Variants in PHTF2 observed in about 807,000 individuals in gnomAD.
The protein encoded by PHTF2 is putative homeodomain transcription factor 2.
A neutral mutation model predicts 101.2 loss-of-function variants in PHTF2; 60 were observed. That is an observed-to-expected ratio of 0.59 (90% CI 0.48 to 0.73). The LOEUF is 0.73. Ranked by LOEUF, PHTF2 falls within the 30% of genes least tolerant of loss-of-function variation. The probability of loss-of-function intolerance (pLI) is 0.00; values close to 1 mark genes in which losing one functional copy is unlikely to be tolerated. For missense variants in PHTF2, 747 were observed against 908.7 expected (o/e 0.82, Z 2.29); for synonymous variants, 311 against 307.3 (o/e 1.01, Z -0.13).
At chr7:77,939,356 A>C (rs930476098) in intron 13 of PHTF2, among the ~76,000 whole-genome samples, 15 of 152,130 alleles carry the variant, frequency 9.9e-5, no homozygotes, top group African/African-American at 3.4e-4. Context: ...CTGTAATCTC[A>C]ACACTTTGGG....
chr7:77,865,824 A>G (rs189795076), intron 3 of PHTF2, among the ~76,000 whole-genome samples: 1 of 152,136 alleles, frequency 6.6e-6, no homozygotes, highest in South Asian at 2.1e-4. Flanking sequence ...CAAGCCAGGC[A>G]CTTATTTCAA....
intron 19 of PHTF2, among the ~76,000 whole-genome samples, 197 bp from the exon 19 acceptor site, chr7:77,954,661 G>T: frequency 7.4e-6 from 1 of 135,002 alleles, no homozygotes; most frequent in East Asian, 2.0e-4. Flanking sequence ...CTTCTCAAGA[G>T]AAAGCAATAG....
rs897361296 is a variant in PHTF2, at chr7:77,953,032, A to G, written c.2212-737A>G. The stretch of plus-strand genomic sequence containing the variant: ...GTCTTTCTTCTACATTGCTGGCCCA[A>G]TGATCTTTCTTCCTTGTACTTGGGC... On this transcript the variant is annotated intron_variant, in intron 18 of 19. Transcript: ENST00000416283. 1.4e-4 allele frequency among the ~76,000 whole-genome samples: 21 copies of G among 152,120 alleles called. 1 individual carries two copies. The highest frequency in any genetic ancestry group is 6.2e-4 in the South Asian group (3 of 4,818).
rs1584493746 is a variant in PHTF2 at position 77,853,830 on chromosome 7, A to G, written c.46-903A>G. On this transcript the variant is annotated intron_variant, in intron 2 of 19. Coordinates refer to ENST00000416283, the Ensembl canonical transcript of PHTF2. Reference sequence around the variant, plus strand: ...TGTTAAATTTTTCTAATAGGATTCCAAATTCCTTCTCTCTTTTATCTTGAA... The same window carrying G: ...TGTTAAATTTTTCTAATAGGATTCCGAATTCCTTCTCTCTTTTATCTTGAA... Among the ~76,000 whole-genome samples the G allele has an allele frequency of 2.0e-5, 3 of 152,288 alleles. No individual in the cohort carries two copies. The East Asian group carries it at 5.8e-4, about 29-fold the overall frequency.
At chr7:77,855,376 C>T (rs751964887) in intron 3 of PHTF2, among the ~76,000 whole-genome samples, 3 of 152,230 alleles carry the variant, frequency 2.0e-5, no homozygotes, top group Non-Finnish European at 2.9e-5. Context: ...CCTTACTCTT[C>T]ACTCTCCTCT....
chr7:77,869,973 T>A (rs1041450126), intron 3 of PHTF2, among the ~76,000 whole-genome samples: 1 of 152,178 alleles, frequency 6.6e-6, no homozygotes, highest in African/African-American at 2.4e-5. Context: ...TTTGAGTTCC[T>A]TATATATTCT....
chr7:77,908,276 C>G (rs559026663), intron 7 of PHTF2, among the ~76,000 whole-genome samples: 1 of 152,268 alleles, frequency 6.6e-6, no homozygotes, highest in East Asian at 1.9e-4. Context: ...GTAGGCAAAA[C>G]AAGATTTCCC....
chr7:77,916,265 C>T (rs1802918900), intron 9 of PHTF2, among the ~76,000 whole-genome samples: 1 of 152,194 alleles, frequency 6.6e-6, no homozygotes, highest in African/African-American at 2.4e-5. Context: ...CTCATCCCCA[C>T]TGCCTTTACT....
chr7:77,878,506 C>T (rs1799135237), intron 3 of PHTF2, among the ~76,000 whole-genome samples: 1 of 152,102 alleles, frequency 6.6e-6, no homozygotes, highest in Non-Finnish European at 1.5e-5. Context: ...CCTCTGGCTA[C>T]ATGACTCCTG....
chr7:77,949,928 T>C (rs1005263119), intron 17 of PHTF2, 95 bp downstream of exon 16: 1 of 688,124 alleles, frequency 1.5e-6, no homozygotes, highest in Non-Finnish European at 2.3e-6. Flanking sequence ...TCTATTTGAT[T>C]AAGGTCATTT....
chr7:77,819,505 C>G (rs1794106661), intron 1 of PHTF2, among the ~76,000 whole-genome samples: 1 of 152,004 alleles, frequency 6.6e-6, no homozygotes, highest in African/African-American at 2.4e-5. Flanking sequence ...TGGTTTTTGT[C>G]TTTTATTCTA....
chr7:77,877,557 A>G (rs1276917590), intron 3 of PHTF2, among the ~76,000 whole-genome samples: 2 of 152,256 alleles, frequency 1.3e-5, no homozygotes, highest in Non-Finnish European at 2.9e-5. Context: ...AAATCCACTC[A>G]GAACATACTG....
At chr7:77,927,177 A>AATATATATATATATATAT (rs386410516) in intron 11 of PHTF2, among the ~76,000 whole-genome samples, 14 of 78,148 alleles carry the variant, frequency 1.8e-4, no homozygotes, top group Non-Finnish European at 2.2e-4. Context: ...AAAAAAAAAA[A>AATATATATATATATATAT]ATATATATAT....
chr7:77,918,345 G>A (rs1344623866), intron 9 of PHTF2, among the ~76,000 whole-genome samples: 3 of 152,026 alleles, frequency 2.0e-5, no homozygotes, highest in African/African-American at 7.2e-5. Context: ...TTCTCAGAGT[G>A]TTCCATCTTT....
At chr7:77,928,368 T>C (rs574308683) in intron 11 of PHTF2, among the ~76,000 whole-genome samples, 21 of 152,356 alleles carry the variant, frequency 1.4e-4, no homozygotes, top group African/African-American at 4.3e-4. Flanking sequence ...TTTACTTTTA[T>C]ACCACAGATT....
intron 19 of PHTF2, among the ~76,000 whole-genome samples, chr7:77,954,195 G>A (rs535142406): frequency 2.1e-4 from 32 of 151,990 alleles, no homozygotes; most frequent in African/African-American, 4.8e-4. Flanking sequence ...GTGCAGTTGC[G>A]CGACCTTGGC....
At chr7:77,935,214 CTTTTTTTTTTT>C (rs1158677069) in intron 12 of PHTF2, among the ~76,000 whole-genome samples, 2 of 59,278 alleles carry the variant, frequency 3.4e-5, no homozygotes, top group South Asian at 9.7e-4. Flanking sequence ...GTAATTTACC[CTTTTTTTTTTT>C]TTTTTTTTTT....
At chr7:77,897,675 A>T (rs12537101) in intron 5 of PHTF2, among the ~76,000 whole-genome samples, 25,849 of 152,098 alleles carry the variant, frequency 0.17, 2,618 homozygotes, top group African/African-American at 0.28. Context: ...ACTTAATTAA[A>T]ATCAGATGTT....
Position 77,850,939 on chromosome 7 carries a change from T to G in PHTF2, c.46-3794T>G, listed in dbSNP as rs188131178. Among the ~76,000 whole-genome samples, 17 of 152,346 alleles carry G rather than the reference T, an allele frequency of 1.1e-4. No individual in the cohort carries two copies. In the East Asian group the frequency reaches 3.1e-3, roughly 28 times the overall value. On this transcript the variant is annotated intron_variant, in intron 2 of 19. Transcript: ENST00000416283. The stretch of plus-strand genomic sequence containing the variant: ...ATGACATTGATTCATTTGCATATGT[T>G]GAACCATCATGCATCCATAGATAAA...
Sources: gnomAD v4.1 joint callset for allele counts (sites outside exome capture counted in the v4.1 genomes callset) on GRCh38, gnomAD v4.1.1 for gene constraint, MANE v1.5 for transcripts, NCBI Gene and HGNC (gene_info 2026-07-23, HGNC 2026-07-21) for gene names.